ORC4: variants seen among roughly 807,000 people sequenced by gnomAD.
ORC4 encodes origin recognition complex, subunit 4 homolog.
In ORC4, 55 loss-of-function variants were observed where a neutral mutation model predicts 63.9. The ratio of observed to expected loss-of-function variants is 0.86; its 90% CI spans 0.69 to 1.08. The LOEUF (loss-of-function observed/expected upper bound fraction) is 1.08, where lower values mean the gene tolerates loss of function less well. Ranked by LOEUF, ORC4 falls within the 50% of genes least tolerant of loss-of-function variation. The pLI, the probability that ORC4 is intolerant of heterozygous loss-of-function variation, is 0.00. For missense variants in ORC4, 511 were observed against 504.4 expected (o/e 1.01, Z -0.13); for synonymous variants, 150 against 168.5 (o/e 0.89, Z 0.85).
chr2:147,943,616 G>A (rs1269226752), intron 9 of ORC4, 94 bp from the exon 10 acceptor site: 2 of 710,568 alleles, frequency 2.8e-6, no homozygotes, highest in African/African-American at 3.6e-5. Flanking sequence ...GTGTACCTTA[G>A]TAACTCTATC....
At chr2:147,996,543 T>C (rs1691986536) in intron 1 of ORC4, among the ~76,000 whole-genome samples, 1 of 152,244 alleles carries the variant, frequency 6.6e-6, no homozygotes, top group Non-Finnish European at 1.5e-5. Flanking sequence ...ACACTTATTT[T>C]GTTACACAAA....
intron 1 of ORC4, among the ~76,000 whole-genome samples, chr2:147,983,692 C>T (rs949117012): frequency 1.3e-5 from 2 of 152,186 alleles, no homozygotes; most frequent in Admixed American, 6.5e-5. Context: ...TGAAAGCCAA[C>T]AAGACTGAAA....
At chr2:147,999,416 C>A (rs1692171781) in intron 1 of ORC4, among the ~76,000 whole-genome samples, 1 of 152,170 alleles carries the variant, frequency 6.6e-6, no homozygotes, top group Non-Finnish European at 1.5e-5. Context: ...GACTTATACC[C>A]TAAAGCAGGG....
At chr2:148,003,074 C>T (rs1692414092) in intron 1 of ORC4, among the ~76,000 whole-genome samples, 1 of 152,140 alleles carries the variant, frequency 6.6e-6, no homozygotes, top group African/African-American at 2.4e-5. Flanking sequence ...GAAGTCGAAT[C>T]CCTAAATAGA....
intron 1 of ORC4, among the ~76,000 whole-genome samples, chr2:147,988,122 A>C (rs1476289268): frequency 6.6e-6 from 1 of 152,008 alleles, no homozygotes; most frequent in East Asian, 1.9e-4. Flanking sequence ...ATAAGAGCTA[A>C]ATTAAACTTA....
intron 1 of ORC4, among the ~76,000 whole-genome samples, chr2:148,007,133 T>G (rs190169315): frequency 1.3e-5 from 2 of 152,306 alleles, no homozygotes; most frequent in Admixed American, 1.3e-4. Context: ...TGCTTTGATT[T>G]CCTGGAAAGC....
chr2:147,972,755 C>T lies in ORC4; in HGVS notation c.209G>A (p.Gly70Glu). ...AGCTTTTACCATAGTTTTTCCTGAT[C>T]CTCGGGGTCCGATAATAAGGACAGA... ...SNSVLIIGPR[G>E]SGKTMLINHA... Residue 70 changes from glycine (G) to glutamate (E), a missense_variant, in exon 4 of 14, where the codon GGA becomes GAA. Coordinates refer to ENST00000392857, the MANE Select transcript of ORC4 (RefSeq NM_181741.4). The T allele has an allele frequency of 6.2e-7, 1 of 1,608,524 alleles. No homozygotes were observed. Among genetic ancestry groups the T allele is most frequent in the South Asian group, 1.1e-5 (1 of 90,382 alleles).
At chr2:147,997,676 GACTAATATT>G (rs1464545726) in intron 1 of ORC4, among the ~76,000 whole-genome samples, 4 of 152,020 alleles carry the variant, frequency 2.6e-5, no homozygotes, top group African/African-American at 9.7e-5. Flanking sequence ...AGCTTAAAAA[GACTAATATT>G]ACACATATTA....
rs1388074372 is a variant in ORC4 at position 147,932,006 on chromosome 2, G to A, written c.*3504C>T. On this transcript the variant is annotated 3_prime_UTR_variant, in exon 14 of 14. Coordinates refer to ENST00000392857, the MANE Select transcript of ORC4 (RefSeq NM_181741.4). ...AAAGGGTATTCAATTAGGAAAAGAGGAAGTCAAATTGTCCGTTTGCAGACG... is the reference window on the plus strand; with the variant it reads ...AAAGGGTATTCAATTAGGAAAAGAGAAAGTCAAATTGTCCGTTTGCAGACG... 1 of 152,048 alleles carries A rather than the reference G, an allele frequency of 6.6e-6. No individual in the cohort carries two copies. Among genetic ancestry groups the A allele is most frequent in the Non-Finnish European group, 1.5e-5 (1 of 68,020 alleles). The allele number at this position is 152,048 out of a possible 1,614,324, so 9.4% of individuals were successfully genotyped here.
In ORC4 at chr2:147,947,978, T is replaced by A. The variant is rs896762037; in HGVS notation, c.762+73A>T. 18 of 1,181,926 alleles carry A rather than the reference T, an allele frequency of 1.5e-5. No individual in the cohort carries two copies. The Admixed American group carries it at 3.1e-4, about 20-fold the overall frequency. 73.2% of individuals were successfully genotyped at this position (1,181,926 alleles called of 1,614,324 possible). Reference sequence around the variant, plus strand: ...AGAAACTTTGTGTTAATTTACTAATTTCTAAAATTTGTGTTTTAATTGCTT... The same window carrying A: ...AGAAACTTTGTGTTAATTTACTAATATCTAAAATTTGTGTTTTAATTGCTT... On this transcript the variant is annotated intron_variant, in intron 9 of 13. Transcript: ENST00000392857.
chr2:147,943,810 A>C (rs1304787796), intron 9 of ORC4, among the ~76,000 whole-genome samples: 1 of 152,174 alleles, frequency 6.6e-6, no homozygotes, highest in Admixed American at 6.6e-5. Context: ...ACACAGTCAT[A>C]CTAGTGAAAT....
chr2:148,002,188 A>G (rs1692355195), intron 1 of ORC4, among the ~76,000 whole-genome samples: 3 of 152,186 alleles, frequency 2.0e-5, no homozygotes, highest in Non-Finnish European at 4.4e-5. Flanking sequence ...CCCACTGTCA[A>G]TATTAGACAG....
At chr2:147,939,988 A>G (rs1688270624) in intron 10 of ORC4, among the ~76,000 whole-genome samples, 1 of 152,140 alleles carries the variant, frequency 6.6e-6, no homozygotes, top group South Asian at 2.1e-4. Flanking sequence ...AGTATGTGCC[A>G]TGCAATATTT....
chr2:147,987,357 G>GAT (rs150764325), intron 1 of ORC4, among the ~76,000 whole-genome samples: 44,933 of 109,460 alleles, frequency 0.41, 7,653 homozygotes, highest in East Asian at 0.6. Context: ...TCCATATATA[G>GAT]ATATATATAT....
chr2:148,018,917 G>C (rs1264315215), intron 1 of ORC4, among the ~76,000 whole-genome samples: 1 of 152,176 alleles, frequency 6.6e-6, no homozygotes, highest in Admixed American at 6.5e-5. Context: ...CTGTGGCAGC[G>C]CTTACATAGA....
intron 4 of ORC4, among the ~76,000 whole-genome samples, chr2:147,964,758 T>A (rs1020118387): frequency 6.6e-6 from 1 of 151,188 alleles, no homozygotes; most frequent in Non-Finnish European, 1.5e-5. Context: ...ATAGCAGATT[T>A]CTTTTTTTTA....
intron 1 of ORC4, among the ~76,000 whole-genome samples, chr2:147,989,532 T>A (rs1050864862): frequency 6.6e-6 from 1 of 151,796 alleles, no homozygotes; most frequent in South Asian, 2.1e-4. Flanking sequence ...ATGGTGAAAC[T>A]CCATCTCTAC....
intron 1 of ORC4, among the ~76,000 whole-genome samples, chr2:147,977,287 G>A (rs1381148226): frequency 6.6e-6 from 1 of 152,168 alleles, no homozygotes; most frequent in East Asian, 1.9e-4. Flanking sequence ...ACACAGCTTT[G>A]CTAACACCCT....
At chr2:148,014,798 G>A (rs1415746159) in intron 1 of ORC4, among the ~76,000 whole-genome samples, 4 of 152,070 alleles carry the variant, frequency 2.6e-5, no homozygotes, top group Non-Finnish European at 5.9e-5. Context: ...TTTAAAATAC[G>A]TGGGAGGATG....
Sources: gnomAD v4.1 joint callset for allele counts (sites outside exome capture counted in the v4.1 genomes callset) on GRCh38, gnomAD v4.1.1 for gene constraint, MANE v1.5 for transcripts, NCBI Gene and HGNC (gene_info 2026-07-23, HGNC 2026-07-21) for gene names.